The following SEMA5A variants were observed in gnomAD, a reference collection of about 807,000 sequenced individuals.
The protein encoded by SEMA5A is semaphorin-5A.
A neutral mutation model predicts 135.5 loss-of-function variants in SEMA5A; 55 were observed. The ratio of observed to expected loss-of-function variants is 0.41; its 90% CI spans 0.33 to 0.51. The LOEUF (loss-of-function observed/expected upper bound fraction) is 0.51. Among genes scored for constraint, SEMA5A ranks in the 20% least tolerant of loss-of-function variants. The probability of loss-of-function intolerance (pLI) is 0.37; values close to 1 mark genes in which losing one functional copy is unlikely to be tolerated. For synonymous variants in SEMA5A, 580 were observed against 546.5 expected, an observed-to-expected ratio of 1.06 and a Z score of -0.85; for missense variants, 1,290 against 1,419.9, an observed-to-expected ratio of 0.91 and a Z score of 1.47.
At chr5:9,226,992 T>G in intron 6 of SEMA5A, 25 bp from the exon 7 acceptor site, 1 of 1,177,824 alleles carries the variant, frequency 8.5e-7, no homozygotes, top group Non-Finnish European at 1.1e-6. Context: ...ATAAATTAAT[T>G]AAAAATATAT....
At chr5:9,268,889 A>C (rs1749822736) in intron 5 of SEMA5A, among the ~76,000 whole-genome samples, 2 of 152,098 alleles carry the variant, frequency 1.3e-5, no homozygotes, top group South Asian at 4.1e-4. Flanking sequence ...AAACATACTA[A>C]TTTATTTTTA....
chr5:9,299,030 C>G lies in SEMA5A; in HGVS notation c.270+19342G>C, dbSNP rs188847886. On this transcript the variant is annotated intron_variant, in intron 5 of 22. Coordinates refer to ENST00000382496, the MANE Select transcript of SEMA5A (RefSeq NM_003966.3). ...TTGGACAGGCTTGATAAACTAAGCC[C>G]ACAGTCAACCTGCCATTAAAAGCAG... Among the ~76,000 whole-genome samples the G allele has an allele frequency of 2.6e-5, 4 of 152,224 alleles. No homozygotes were observed. The East Asian group carries it at 7.7e-4, about 29-fold the overall frequency.
intron 12 of SEMA5A, among the ~76,000 whole-genome samples, chr5:9,139,530 T>C (rs529084206): frequency 6.6e-6 from 1 of 152,342 alleles, no homozygotes; most frequent in Non-Finnish European, 1.5e-5. Flanking sequence ...CATAGATGAA[T>C]ATACTTTTTA....
chr5:9,465,635 G>T (rs1759229591), intron 1 of SEMA5A, among the ~76,000 whole-genome samples: 1 of 152,220 alleles, frequency 6.6e-6, no homozygotes, highest in Non-Finnish European at 1.5e-5. Context: ...ATCATTTAAA[G>T]TATATGGGAA....
chr5:9,332,080 TACTC>T (rs1293808407), intron 4 of SEMA5A, among the ~76,000 whole-genome samples: 1 of 151,816 alleles, frequency 6.6e-6, no homozygotes, highest in Non-Finnish European at 1.5e-5. Flanking sequence ...TATGGGCTGG[TACTC>T]ACATCGGGTC....
At chr5:9,217,598 G>T (rs183742996) in intron 8 of SEMA5A, among the ~76,000 whole-genome samples, 22 of 152,250 alleles carry the variant, frequency 1.4e-4, no homozygotes, top group African/African-American at 5.1e-4. Context: ...CAATTTGTTT[G>T]CTTTCTTCCC....
chr5:9,341,741 T>C (rs1231239411), intron 3 of SEMA5A, among the ~76,000 whole-genome samples: 1 of 148,918 alleles, frequency 6.7e-6, no homozygotes, highest in Non-Finnish European at 1.5e-5. Flanking sequence ...GAACACTTGA[T>C]AGATAATTCA....
At chr5:9,156,184 G>A (rs373611771) in intron 11 of SEMA5A, among the ~76,000 whole-genome samples, 2 of 152,182 alleles carry the variant, frequency 1.3e-5, no homozygotes, top group African/African-American at 2.4e-5. Flanking sequence ...GTTCACAGAT[G>A]TAAGCATGTA....
intron 6 of SEMA5A, among the ~76,000 whole-genome samples, chr5:9,233,586 C>T (rs1342972127): frequency 2.6e-5 from 4 of 152,180 alleles, no homozygotes; most frequent in African/African-American, 9.7e-5. Context: ...TTGGCAGCTT[C>T]AGTACCTACC....
chr5:9,197,894 A>G (rs1745506919), intron 9 of SEMA5A, among the ~76,000 whole-genome samples: 1 of 152,136 alleles, frequency 6.6e-6, no homozygotes, highest in Non-Finnish European at 1.5e-5. Context: ...TGTAAAGTAG[A>G]TTTTAAATTC....
At chr5:9,461,107 G>A (rs1293083951) in intron 1 of SEMA5A, among the ~76,000 whole-genome samples, 3 of 152,108 alleles carry the variant, frequency 2.0e-5, no homozygotes, top group East Asian at 1.9e-4. Context: ...TTCCTTGGTC[G>A]TTGGCTTTTC....
intron 11 of SEMA5A, among the ~76,000 whole-genome samples, chr5:9,167,274 G>T (rs1743662195): frequency 6.6e-6 from 1 of 152,048 alleles, no homozygotes; most frequent in Admixed American, 6.6e-5. Flanking sequence ...AAAACCTGAG[G>T]CTGCCATTAC....
At chr5:9,156,578 G>C (rs1175468149) in intron 11 of SEMA5A, among the ~76,000 whole-genome samples, 1 of 152,228 alleles carries the variant, frequency 6.6e-6, no homozygotes, top group Admixed American at 6.5e-5. Context: ...GCTCATGGGA[G>C]AACTTATGTG....
At chr5:9,218,193 C>T (rs866584178) in intron 8 of SEMA5A, among the ~76,000 whole-genome samples, 8 of 151,802 alleles carry the variant, frequency 5.3e-5, no homozygotes, top group Non-Finnish European at 1.0e-4. Flanking sequence ...CCTGCAGAAC[C>T]GAAAAGTTAA....
intron 11 of SEMA5A, among the ~76,000 whole-genome samples, chr5:9,167,060 TA>T (rs1376365391): frequency 6.6e-6 from 1 of 152,180 alleles, no homozygotes; most frequent in East Asian, 1.9e-4. Flanking sequence ...AAATCTATGC[TA>T]AGCACTTTTG....
intron 5 of SEMA5A, chr5:9,265,662 CA>C: frequency 2.4e-6 from 1 of 411,860 alleles, no homozygotes; most frequent in Non-Finnish European, 4.9e-6. Flanking sequence ...ATAAGACAAA[CA>C]AAAGGAAATT....
chr5:9,044,302 G>T, intron 22 of SEMA5A, 71 bp downstream of exon 22: 1 of 1,266,596 alleles, frequency 7.9e-7, no homozygotes, highest in Non-Finnish European at 1.1e-6. Flanking sequence ...AGCAGAGAAA[G>T]GGCATCAAAA....
At chr5:9,494,914 C>A (rs1372798019) in intron 1 of SEMA5A, among the ~76,000 whole-genome samples, 1 of 152,134 alleles carries the variant, frequency 6.6e-6, no homozygotes, top group Non-Finnish European at 1.5e-5. Flanking sequence ...GTTCAAGGTT[C>A]TTCCTAAGAA....
chr5:9,347,964 C>A (rs1416406597), intron 3 of SEMA5A, among the ~76,000 whole-genome samples: 1 of 152,146 alleles, frequency 6.6e-6, no homozygotes, highest in Non-Finnish European at 1.5e-5. Context: ...TCCACTGTTA[C>A]CCCACGTTTT....
Sources: allele counts gnomAD v4.1 joint callset (sites outside exome capture counted in the v4.1 genomes callset), GRCh38; gene constraint gnomAD v4.1.1; transcripts MANE v1.5; gene names NCBI Gene and HGNC (gene_info 2026-07-23, HGNC 2026-07-21).